The following ASIC2 variants were observed in gnomAD, a reference collection of about 807,000 sequenced individuals.
ASIC2 encodes the protein acid-sensing ion channel 2.
A neutral mutation model predicts 57.3 loss-of-function variants in ASIC2; 25 were observed. That is an observed-to-expected ratio of 0.44 (90% CI 0.32 to 0.61). The LOEUF is 0.61. ASIC2 is among the 20% of genes least tolerant of loss of function. The pLI is 0.06. For synonymous variants in ASIC2, 319 were observed against 307.5 expected (o/e 1.04, Z -0.39); for missense variants, 641 against 738.1 (o/e 0.87, Z 1.52).
chr17:33,358,583 C>T (rs1908479095), intron 1 of ASIC2, among the ~76,000 whole-genome samples: 1 of 152,114 alleles, frequency 6.6e-6, no homozygotes, highest in African/African-American at 2.4e-5. Flanking sequence ...ATAAGCTTGG[C>T]AATTATGCTT....
intron 1 of ASIC2, among the ~76,000 whole-genome samples, chr17:33,144,021 T>C (rs956158407): frequency 6.6e-6 from 1 of 152,140 alleles, no homozygotes; most frequent in African/African-American, 2.4e-5. Context: ...GCTTCCATTT[T>C]CTGGGAACCA....
chr17:33,871,888 G>A (rs866467006), intron 1 of ASIC2, among the ~76,000 whole-genome samples: 29 of 152,176 alleles, frequency 1.9e-4, no homozygotes, highest in Non-Finnish European at 1.3e-4. Flanking sequence ...CTCTGGGTGG[G>A]GTGAGGTTTT....
chr17:33,642,382 C>T (rs1799535160), intron 1 of ASIC2, among the ~76,000 whole-genome samples: 1 of 152,130 alleles, frequency 6.6e-6, no homozygotes, highest in Non-Finnish European at 1.5e-5. Flanking sequence ...GCAAAGGGCC[C>T]TTGAGTACCA....
chr17:33,397,052 T>C (rs1326260194), intron 1 of ASIC2, among the ~76,000 whole-genome samples: 2 of 152,310 alleles, frequency 1.3e-5, no homozygotes, highest in African/African-American at 4.8e-5. Flanking sequence ...TTCCGAGTCA[T>C]CCCTCTGTGC....
chr17:33,865,781 A>AAC (rs753722678), intron 1 of ASIC2, among the ~76,000 whole-genome samples: 1,054 of 94,614 alleles, frequency 0.011, 6 homozygotes, highest in Non-Finnish European at 0.019. Flanking sequence ...ACAAAAAAAA[A>AAC]AACGTTTTTT....
intron 1 of ASIC2, among the ~76,000 whole-genome samples, chr17:33,689,329 C>T (rs1398859109): frequency 3.3e-5 from 5 of 152,152 alleles, no homozygotes; most frequent in Non-Finnish European, 1.5e-5. Context: ...CCTCGGCCTC[C>T]CAAGTACTGG....
At chr17:34,072,964 T>C (rs960868096) in intron 1 of ASIC2, among the ~76,000 whole-genome samples, 1 of 152,112 alleles carries the variant, frequency 6.6e-6, no homozygotes, top group Non-Finnish European at 1.5e-5. Context: ...CGTAGACACA[T>C]AGAGTCAATG....
At chr17:33,620,240 G>GAAAAAAAAAA (rs35560840) in intron 1 of ASIC2, among the ~76,000 whole-genome samples, 16 of 74,826 alleles carry the variant, frequency 2.1e-4, no homozygotes, top group African/African-American at 5.5e-4. Context: ...AGAGGAAAAT[G>GAAAAAAAAAA]AAAAAAAAAA....
intron 1 of ASIC2, among the ~76,000 whole-genome samples, chr17:34,107,964 G>C (rs1911121362): frequency 6.6e-6 from 1 of 151,256 alleles, no homozygotes; most frequent in African/African-American, 2.4e-5. Context: ...CACTTTGTAG[G>C]TATCCAATTT....
At chr17:33,678,337 G>A (rs1907890588) in intron 1 of ASIC2, among the ~76,000 whole-genome samples, 1 of 151,742 alleles carries the variant, frequency 6.6e-6, no homozygotes, top group African/African-American at 2.4e-5. Flanking sequence ...AGCTGAATTT[G>A]CAATATCTCT....
intron 1 of ASIC2, among the ~76,000 whole-genome samples, chr17:34,101,228 T>G (rs1451933290): frequency 6.6e-6 from 1 of 152,202 alleles, no homozygotes; most frequent in Non-Finnish European, 1.5e-5. Flanking sequence ...TATCCGGTAT[T>G]GTTTTAAGTA....
chr17:33,623,264 T>A (rs1905864205), intron 1 of ASIC2, among the ~76,000 whole-genome samples: 1 of 151,596 alleles, frequency 6.6e-6, no homozygotes, highest in African/African-American at 2.4e-5. Context: ...GTTTGTTTGT[T>A]TGTTTGTTTG....
In ASIC2 at chr17:34,039,838, C is replaced by A. The variant is rs568881408; in HGVS notation, c.555+116140G>T. 13 of 1,607,046 alleles carry A rather than the reference C, an allele frequency of 8.1e-6. No homozygotes were observed. The African/African-American group carries it at 1.7e-4, about 21-fold the overall frequency. On this transcript the variant is annotated intron_variant, in intron 1 of 9. Transcript: ENST00000359872. ...AAACCTGGCCTCCAATAATTTCTGCCGTCGTGGGTCCAGGCTATGCAATTC... is the reference window on the plus strand; with the variant it reads ...AAACCTGGCCTCCAATAATTTCTGCAGTCGTGGGTCCAGGCTATGCAATTC...
chr17:33,908,570 G>A (rs1195755789), intron 1 of ASIC2, among the ~76,000 whole-genome samples: 2 of 152,168 alleles, frequency 1.3e-5, no homozygotes, highest in Admixed American at 1.3e-4. Flanking sequence ...TGTGAGAGCT[G>A]GCAGTACTTC....
chr17:33,111,851 G>A, intron 2 of ASIC2, 66 bp downstream of exon 2: 2 of 1,542,734 alleles, frequency 1.3e-6, no homozygotes, highest in Non-Finnish European at 1.7e-6. Flanking sequence ...CAGCTCACCA[G>A]CCTTTCAGAG....
chr17:33,326,356 A>G (rs958420368), intron 1 of ASIC2, among the ~76,000 whole-genome samples: 1 of 152,210 alleles, frequency 6.6e-6, no homozygotes, highest in African/African-American at 2.4e-5. Context: ...CAGTTCACGC[A>G]TCTTTCCCAA....
In ASIC2 at chr17:33,868,195, A is replaced by ATGTG. The variant is rs3071204; in HGVS notation, c.555+287779_555+287782dup. The stretch of plus-strand genomic sequence containing the variant: ...TCAACAAATGTATGTGTGTGTGTGT[A>ATGTG]TGTGTGTGTGTGTGTGTGTGTGTGA... On this transcript the variant is annotated intron_variant, in intron 1 of 9. Transcript: ENST00000359872. Among the ~76,000 whole-genome samples the ATGTG allele has an allele frequency of 8.6e-3, 1,210 of 140,016 alleles. 7 individuals are homozygous for ATGTG. Among genetic ancestry groups the ATGTG allele is most frequent in the Middle Eastern group, 0.036 (10 of 274 alleles). 91.9% of individuals were successfully genotyped at this position (140,016 alleles called of 152,430 possible). A position where few individuals can be genotyped will look rare whatever the true frequency, so the allele number is the denominator to read the frequency against.
chr17:33,771,524 G>A (rs991545759), intron 1 of ASIC2, among the ~76,000 whole-genome samples: 2 of 152,052 alleles, frequency 1.3e-5, no homozygotes, highest in Non-Finnish European at 2.9e-5. Flanking sequence ...AATCTGAGCT[G>A]AGGCCCCACA....
chr17:33,575,317 G>A (rs1408598112), intron 1 of ASIC2, among the ~76,000 whole-genome samples: 1 of 152,204 alleles, frequency 6.6e-6, no homozygotes, highest in Non-Finnish European at 1.5e-5. Flanking sequence ...TTAACACATA[G>A]CACAAGTTCC....
Sources: allele counts gnomAD v4.1 joint callset (sites outside exome capture counted in the v4.1 genomes callset), GRCh38; gene constraint gnomAD v4.1.1; transcripts MANE v1.5; gene names NCBI Gene and HGNC (gene_info 2026-07-23, HGNC 2026-07-21).